The following FRMD4B variants were observed in gnomAD, a reference collection of about 807,000 sequenced individuals.
The protein encoded by FRMD4B is FERM domain containing 4B.
FRMD4B carries 74 observed loss-of-function variants against 141.5 expected under a neutral mutation model. The ratio of observed to expected loss-of-function variants is 0.52; its 90% CI spans 0.43 to 0.63. The LOEUF (loss-of-function observed/expected upper bound fraction) is 0.63, where lower values mean the gene tolerates loss of function less well. Ranked by LOEUF, FRMD4B falls within the 30% of genes least tolerant of loss-of-function variation. The pLI, the probability that FRMD4B is intolerant of heterozygous loss-of-function variation, is 0.00. For synonymous variants in FRMD4B, 506 were observed against 467.9 expected (o/e 1.08, Z -1.05); for missense variants, 1,366 against 1,253.4 (o/e 1.09, Z -1.36).
At chr3:69,521,000 T>C (rs182168884) in intron 1 of FRMD4B, among the ~76,000 whole-genome samples, 2 of 152,302 alleles carry the variant, frequency 1.3e-5, no homozygotes, top group Admixed American at 6.5e-5. Flanking sequence ...TGGAGTGAGT[T>C]TGGATTTTAT....
At chr3:69,527,701 G>T (rs1193670210) in intron 1 of FRMD4B, among the ~76,000 whole-genome samples, 2 of 152,192 alleles carry the variant, frequency 1.3e-5, no homozygotes, top group African/African-American at 4.8e-5. Flanking sequence ...ACAGTACAGT[G>T]ACCAACCTGT....
chr3:69,226,805 A>G (rs137984912), intron 7 of FRMD4B, among the ~76,000 whole-genome samples: 92 of 152,298 alleles, frequency 6.0e-4, no homozygotes, highest in African/African-American at 2.1e-3. Flanking sequence ...AAGGGAAAGG[A>G]GAATAGGGAA....
intron 1 of FRMD4B, among the ~76,000 whole-genome samples, chr3:69,451,855 C>A (rs1195853950): frequency 6.6e-6 from 1 of 152,190 alleles, no homozygotes. Context: ...GATGCATATT[C>A]TCTTTTGACA....
At chr3:69,178,931 C>T (rs935000601) in intron 21 of FRMD4B, among the ~76,000 whole-genome samples, 5 of 151,462 alleles carry the variant, frequency 3.3e-5, no homozygotes, top group African/African-American at 1.2e-4. Flanking sequence ...TGGTAGTTGT[C>T]ATTACTAAAA....
intron 17 of FRMD4B, among the ~76,000 whole-genome samples, chr3:69,192,005 T>C (rs1265128140): frequency 6.6e-6 from 1 of 152,154 alleles, no homozygotes; most frequent in African/African-American, 2.4e-5. Flanking sequence ...TTTCATCAAA[T>C]CTAAGATATA....
chr3:69,496,647 G>GAA (rs1559545726), intron 1 of FRMD4B, among the ~76,000 whole-genome samples: 1 of 98,664 alleles, frequency 1.0e-5, no homozygotes, highest in African/African-American at 4.1e-5. Context: ...AAGAGAGAGA[G>GAA]AGAGAGAGAG....
chr3:69,252,974 G>T (rs1489590312), intron 5 of FRMD4B, among the ~76,000 whole-genome samples: 1 of 152,018 alleles, frequency 6.6e-6, no homozygotes, highest in Non-Finnish European at 1.5e-5. Flanking sequence ...CACCCTCATG[G>T]CTAATTTAAC....
intron 1 of FRMD4B, among the ~76,000 whole-genome samples, chr3:69,336,861 T>C (rs573392649): frequency 2.4e-4 from 37 of 152,300 alleles, no homozygotes; most frequent in African/African-American, 8.7e-4. Context: ...GGAGAATTGC[T>C]TGAACCTGGG....
chr3:69,540,601 A>T (rs1575605692), intron 1 of FRMD4B, among the ~76,000 whole-genome samples: 1 of 109,128 alleles, frequency 9.2e-6, no homozygotes, highest in South Asian at 3.6e-4. Flanking sequence ...CGACAGAGTG[A>T]GACTCTGTCT....
In FRMD4B at chr3:69,193,707, A is replaced by G; in HGVS notation, c.1655T>C (p.Ile552Thr). 1 of 1,613,114 alleles carries G rather than the reference A, an allele frequency of 6.2e-7. No homozygotes were observed. Among genetic ancestry groups the G allele is most frequent in the South Asian group, 1.1e-5 (1 of 91,058 alleles). The change falls in exon 17 of 23, where the codon ATA (isoleucine) becomes ACA (threonine). Residue 552 changes from isoleucine to threonine, a missense_variant. Physicochemically the swap from Ile to Thr is moderately conservative, Grantham distance 89 (BLOSUM62 -1). Transcript: ENST00000398540. The part of the protein sequence containing the change: ...MKKLQEIENA[I>T]NEYRIRCGKK... ...TCCACACCTAATTCGGTATTCGTTTATTGCATTTTCAATCTCCTGAAGCTT... is the reference window on the plus strand; with the variant it reads ...TCCACACCTAATTCGGTATTCGTTTGTTGCATTTTCAATCTCCTGAAGCTT...
In FRMD4B at chr3:69,335,136, C is replaced by G. The variant is rs1702498967; in HGVS notation, c.163-21619G>C. 5.9e-5 allele frequency among the ~76,000 whole-genome samples: 9 copies of G among 152,140 alleles called. No individual in the cohort carries two copies. The South Asian group carries it at 1.9e-3, about 32-fold the overall frequency. The stretch of plus-strand genomic sequence containing the variant: ...TGAGCTATGAGCTATGGTCACGCCA[C>G]TGCACTTCAGCTTGGGTGACAGAGT... On this transcript the variant is annotated intron_variant, in intron 1 of 22. Coordinates refer to ENST00000398540, the MANE Select transcript of FRMD4B (RefSeq NM_015123.3).
intron 1 of FRMD4B, among the ~76,000 whole-genome samples, chr3:69,329,402 T>C (rs1039641797): frequency 2.6e-5 from 4 of 152,046 alleles, no homozygotes; most frequent in African/African-American, 7.2e-5. Context: ...CAGGCTGGAG[T>C]GCAGTAGCGC....
chr3:69,358,067 C>T (rs1174379716), intron 1 of FRMD4B, among the ~76,000 whole-genome samples: 3 of 152,212 alleles, frequency 2.0e-5, no homozygotes, highest in Admixed American at 6.5e-5. Flanking sequence ...TTTGTCACCT[C>T]ATAGTCAACT....
At chr3:69,373,144 A>C (rs921471845) in intron 1 of FRMD4B, among the ~76,000 whole-genome samples, 2 of 152,238 alleles carry the variant, frequency 1.3e-5, no homozygotes, top group African/African-American at 2.4e-5. Flanking sequence ...CAACTTCACC[A>C]AAGACTTTTT....
At chr3:69,429,145 C>T (rs1408072628) in intron 2 of FRMD4B, among the ~76,000 whole-genome samples, 3 of 152,168 alleles carry the variant, frequency 2.0e-5, no homozygotes, top group Non-Finnish European at 4.4e-5. Flanking sequence ...CATCATTTAT[C>T]CACTTCTCTC....
chr3:69,276,470 C>T (rs1212632758), intron 5 of FRMD4B, among the ~76,000 whole-genome samples: 2 of 152,062 alleles, frequency 1.3e-5, no homozygotes, highest in Non-Finnish European at 2.9e-5. Context: ...AACAGGGTTT[C>T]ACCATGTTGC....
At chr3:69,464,033 G>C (rs1174549377) in intron 1 of FRMD4B, among the ~76,000 whole-genome samples, 1 of 152,108 alleles carries the variant, frequency 6.6e-6, no homozygotes, top group Non-Finnish European at 1.5e-5. Flanking sequence ...TGATCCATTT[G>C]GAAAAGTACA....
chr3:69,490,464 G>A (rs562509056), intron 1 of FRMD4B, among the ~76,000 whole-genome samples: 1 of 152,142 alleles, frequency 6.6e-6, no homozygotes, highest in Admixed American at 6.5e-5. Context: ...TGCCAGGCTT[G>A]TTCCTATTGC....
At position 69,536,607 on chromosome 3, in the gene FRMD4B, G is replaced by C. The variant is rs908705846; in HGVS notation, c.-129+5599C>G. On this transcript the variant is annotated intron_variant, in intron 1 of 5. Transcript: ENST00000459638. ...CGGGAAGCTGCTGCAGCTCAGGCCTGGCTTTTCAGATTCAGGAGACCTGGA... is the reference window on the plus strand; with the variant it reads ...CGGGAAGCTGCTGCAGCTCAGGCCTCGCTTTTCAGATTCAGGAGACCTGGA... 78 of 953,404 alleles carry C rather than the reference G, an allele frequency of 8.2e-5. No individual in the cohort carries two copies. The African/African-American group carries it at 1.0e-3, about 13-fold the overall frequency. The allele number at this position is 953,404 out of a possible 1,614,324, so 59.1% of individuals were successfully genotyped here.
Sources: allele counts gnomAD v4.1 joint callset (sites outside exome capture counted in the v4.1 genomes callset), GRCh38; gene constraint gnomAD v4.1.1; transcripts MANE v1.5; gene names NCBI Gene and HGNC (gene_info 2026-07-23, HGNC 2026-07-21).